Variants in TMEM100 observed in about 807,000 individuals in gnomAD.
TMEM100 encodes the protein transmembrane protein 100.
For synonymous variants in TMEM100, 61 were observed against 67.1 expected (o/e 0.91, Z 0.44); for missense variants, 137 against 168.2 (o/e 0.81, Z 1.02).
rs188093432 is a variant in TMEM100, at chr17:55,720,291, A to C, written c.*375T>G. ...GAACATTTTTATGATACATCTTAAG[A>C]CTGTAGGTTATTTCTTTTGGAGGCA... On this transcript the variant is annotated 3_prime_UTR_variant, in exon 2 of 2. Transcript: ENST00000424486. The C allele has an allele frequency of 5.3e-6, 1 of 188,468 alleles. No individual in the cohort carries two copies. The highest frequency in any genetic ancestry group is 5.4e-5 in the Admixed American group (1 of 18,572). 11.7% of individuals were successfully genotyped at this position (188,468 alleles called of 1,614,324 possible).
At chr17:55,726,278 C>A (rs552547390), upstream of TMEM100, among the ~76,000 whole-genome samples, 2 of 151,704 alleles carry the variant, frequency 1.3e-5, no homozygotes, top group African/African-American at 4.8e-5. Flanking sequence ...ATTTTTTTTT[C>A]TTTAGAAACA....
Position 55,722,724 on chromosome 17 carries a change from G to T in TMEM100, c.-171C>A, listed in dbSNP as rs1360079511. ...AACTTCTGGGAAAGAGCCTCTAACA[G>T]CAAGGCTGTCAATAAAACAATAGGT... On this transcript the variant is annotated 5_prime_UTR_variant, in exon 1 of 2. It adds an upstream start codon to the 5' untranslated region. Coordinates refer to ENST00000424486, the MANE Select transcript of TMEM100 (RefSeq NM_018286.3). 6.6e-6 allele frequency: 1 copy of T among 152,206 alleles called. No individual in the cohort carries two copies. The highest frequency in any genetic ancestry group is 1.5e-5 in the Non-Finnish European group (1 of 68,056). The allele number at this position is 152,206 out of a possible 1,614,324, so 9.4% of individuals were successfully genotyped here. A position where few individuals can be genotyped will look rare whatever the true frequency, so the allele number is the denominator to read the frequency against.
In TMEM100 at chr17:55,720,546, C is replaced by CCAT; in HGVS notation, c.*119_*120insATG. 2.2e-5 allele frequency: 26 copies of CCAT among 1,164,870 alleles called. No homozygotes were observed. Among genetic ancestry groups the CCAT allele is most frequent in the Middle Eastern group, 2.8e-4 (1 of 3,602 alleles). 72.2% of individuals were successfully genotyped at this position (1,164,870 alleles called of 1,614,324 possible). A position where few individuals can be genotyped will look rare whatever the true frequency, so the allele number is the denominator to read the frequency against. ...AGAAGCCCCTCCACCCTCCCACCCC[C>CCAT]ATTCTTCCAGTCTGCTCCAACGCCA... is the stretch of plus-strand genomic sequence containing the variant. On this transcript the variant is annotated 3_prime_UTR_variant, in exon 2 of 2. Coordinates refer to ENST00000424486, the MANE Select transcript of TMEM100 (RefSeq NM_018286.3).
At chr17:55,721,164 C>T in intron 1 of TMEM100, 29 bp from the exon 2 acceptor site, 1 of 1,436,312 alleles carries the variant, frequency 7.0e-7, no homozygotes, top group Non-Finnish European at 9.4e-7. Context: ...ATGTCAGCTA[C>T]ATGTATCAGA....
In TMEM100 at chr17:55,720,406, C is replaced by T. The variant is rs1908828170; in HGVS notation, c.*260G>A. On this transcript the variant is annotated 3_prime_UTR_variant, in exon 2 of 2. Coordinates refer to ENST00000424486, the MANE Select transcript of TMEM100 (RefSeq NM_018286.3). ...ACCAAATACTGTCTAATGCTGTGCA[C>T]TCCCATGACCCCCAAAGTGTTTCAT... 2.0e-6 allele frequency: 1 copy of T among 495,502 alleles called. No individual in the cohort carries two copies. The highest frequency in any genetic ancestry group is 3.4e-5 in the East Asian group (1 of 29,826). The allele number at this position is 495,502 out of a possible 1,614,324, so 30.7% of individuals were successfully genotyped here. A position where few individuals can be genotyped will look rare whatever the true frequency, so the allele number is the denominator to read the frequency against.
chr17:55,725,938 C>A (rs1490150053), upstream of TMEM100, among the ~76,000 whole-genome samples: 1 of 152,126 alleles, frequency 6.6e-6, no homozygotes, highest in Admixed American at 6.6e-5. Flanking sequence ...CTCTACATTT[C>A]TAAGGGAGTA....
chr17:55,720,629 T>C lies in TMEM100; in HGVS notation c.*37A>G, dbSNP rs778620404. 1.9e-6 allele frequency: 3 copies of C among 1,552,532 alleles called. No individual in the cohort carries two copies. The highest frequency in any genetic ancestry group is 2.6e-6 in the Non-Finnish European group (3 of 1,152,310). ...ATTGGGTGACAAAGTCAGAGCACGT[T>C]TTCCAGGCCCAATGGCCCATTTGGT... On this transcript the variant is annotated 3_prime_UTR_variant, in exon 2 of 2. Transcript: ENST00000424486.
intron 1 of TMEM100, chr17:55,721,765 T>C (rs1197087312): frequency 6.6e-6 from 1 of 152,216 alleles, no homozygotes; most frequent in Non-Finnish European, 1.5e-5. Flanking sequence ...AAAAAATTCA[T>C]TGAAAATGAG....
At chr17:55,729,646 A>G (rs756359512) in intron 1 of TMEM100, among the ~76,000 whole-genome samples, 10 of 152,198 alleles carry the variant, frequency 6.6e-5, no homozygotes, top group Non-Finnish European at 8.8e-5. Context: ...ATATGCACAC[A>G]CACACAATTT....
intron 1 of TMEM100, among the ~76,000 whole-genome samples, chr17:55,728,741 T>A: frequency 6.6e-6 from 1 of 152,034 alleles, no homozygotes; most frequent in East Asian, 1.9e-4. Flanking sequence ...CTTGAAGGAA[T>A]AACAAACGGC....
chr17:55,727,106 A>G (rs542420902), upstream of TMEM100, among the ~76,000 whole-genome samples: 15 of 152,290 alleles, frequency 9.8e-5, no homozygotes, highest in Non-Finnish European at 1.6e-4. Context: ...ACATAAACAT[A>G]AAAAAATAGA....
chr17:55,727,751 G>C (rs1909108520), upstream of TMEM100: 1 of 152,106 alleles, frequency 6.6e-6, no homozygotes, highest in African/African-American at 2.4e-5. Context: ...TCTCTGTAAG[G>C]GTCAGTTAGC....
At chr17:55,729,300 T>A (rs561641210) in intron 1 of TMEM100, among the ~76,000 whole-genome samples, 2 of 152,290 alleles carry the variant, frequency 1.3e-5, no homozygotes, top group African/African-American at 4.8e-5. Flanking sequence ...AATGGTAGAA[T>A]CAGCAAAACT....
chr17:55,728,122 A>G (rs1175966297), intron 1 of TMEM100: 2 of 152,240 alleles, frequency 1.3e-5, no homozygotes, highest in Non-Finnish European at 2.9e-5. Context: ...AAAGGGACAC[A>G]TTAACACAAG....
At chr17:55,731,344 T>G (rs2144875372) in intron 1 of TMEM100, among the ~76,000 whole-genome samples, 1 of 152,298 alleles carries the variant, frequency 6.6e-6, no homozygotes, top group Admixed American at 6.5e-5. Context: ...AATGAACATT[T>G]CTGACTCTCC....
At chr17:55,727,668 AC>A (rs1335073304), upstream of TMEM100, 1 of 152,182 alleles carries the variant, frequency 6.6e-6, no homozygotes, top group African/African-American at 2.4e-5. Flanking sequence ...AGGCTTTGAC[AC>A]CAATCTGATA....
Position 55,720,711 on chromosome 17 carries a change from C to A in TMEM100, c.360G>T (p.Glu120Asp). 6.2e-7 allele frequency: 1 copy of A among 1,613,804 alleles called. No individual in the cohort carries two copies. The highest frequency in any genetic ancestry group is 8.5e-7 in the Non-Finnish European group (1 of 1,179,846). The change falls in exon 2 of 2, where the codon GAG (glutamate) becomes GAT (aspartate). Residue 120 changes from glutamate (E) to aspartate (D), a missense_variant. By Grantham distance (45) the Glu-to-Asp change is conservative (BLOSUM62 2). Transcript: ENST00000424486. ...RQRSKKAKRRESQTALVANQR... is the reference protein window; with the variant it reads ...RQRSKKAKRRDSQTALVANQR... ...GATTTGCCACGAGAGCTGTTTGACTCTCCCGTCTCTTGGCTTTCTTGCTCC... is the reference window on the plus strand; with the variant it reads ...GATTTGCCACGAGAGCTGTTTGACTATCCCGTCTCTTGGCTTTCTTGCTCC...
At chr17:55,728,935 C>G (rs1339463443) in intron 1 of TMEM100, among the ~76,000 whole-genome samples, 1 of 152,164 alleles carries the variant, frequency 6.6e-6, no homozygotes, top group African/African-American at 2.4e-5. Flanking sequence ...TTGAAAAGTG[C>G]AAGTCTTCTA....
At position 55,720,999 on chromosome 17, in the gene TMEM100, GCT is replaced by G. The variant is rs1218104872; in HGVS notation, c.70_71del (p.Ser24ProfsTer4). 2 of 1,614,044 alleles carry G rather than the reference GCT, an allele frequency of 1.2e-6. No homozygotes were observed. Among genetic ancestry groups the G allele is most frequent in the African/African-American group, 2.7e-5 (2 of 74,922 alleles). On this transcript the variant is annotated frameshift_variant, in exon 2 of 2. Transcript: ENST00000424486. LOFTEE classifies it high-confidence loss of function. Reference protein sequence around the residue: ...KAHMAATMEKSPKSEVVITTV... With the variant: ...KAHMAATMEKXPKSEVVITTV... The stretch of plus-strand genomic sequence containing the variant: ...TGGTGATCACAACTTCACTCTTGGG[GCT>G]CTTCTCCATCGTCGCTGCCATGTGA...
Sources: allele counts gnomAD v4.1 joint callset (sites outside exome capture counted in the v4.1 genomes callset), GRCh38; gene constraint gnomAD v4.1.1; transcripts MANE v1.5; gene names NCBI Gene and HGNC (gene_info 2026-07-23, HGNC 2026-07-21).